ATG4A: variants seen among roughly 807,000 people sequenced by gnomAD.
ATG4A encodes the protein cysteine protease ATG4A.
Under a neutral mutation model 38.4 loss-of-function variants are expected in ATG4A, and 22 were observed. That is an observed-to-expected ratio of 0.57 (90% confidence interval 0.41 to 0.82). The LOEUF (loss-of-function observed/expected upper bound fraction) is 0.82, where lower values mean the gene tolerates loss of function less well. Ranked by LOEUF, ATG4A falls within the 40% of genes least tolerant of loss-of-function variation. The pLI is 0.00. For missense variants in ATG4A, 220 were observed against 290.0 expected, an observed-to-expected ratio of 0.76 and a Z score of 1.75; for synonymous variants, 86 against 100.7, an observed-to-expected ratio of 0.85 and a Z score of 0.88.
At chrX:108,098,364 C>CT (rs1410668386) in intron 1 of ATG4A, among the ~76,000 whole-genome samples, 1 of 111,743 alleles carries the variant, frequency 8.9e-6, no homozygotes, top group Non-Finnish European at 1.9e-5. Flanking sequence ...TAAGTGGTTT[C>CT]TTTTTTTAAA....
chrX:108,127,604 C>T (rs1569307067), intron 2 of ATG4A, among the ~76,000 whole-genome samples: 1 of 111,855 alleles, frequency 8.9e-6, no homozygotes, highest in Non-Finnish European at 1.9e-5. Context: ...TTACTCTTAA[C>T]CATTATACAT....
chrX:108,148,020 A>AATATATATATATAT (rs60886281), intron 9 of ATG4A, among the ~76,000 whole-genome samples: 49 of 80,105 alleles, frequency 6.1e-4, no homozygotes, highest in Non-Finnish European at 9.2e-4. Context: ...ACTAATGGAA[A>AATATATATATATAT]ATATATATAT....
rs183435739 is a variant in ATG4A at position 108,154,176 on chromosome X, G to T, written c.*464G>T. ...TCAAATAATAAAGTGACTGAATCAG[G>T]GAGGAAAAGGTTCTTGTTAAATTAT... is the stretch of plus-strand genomic sequence containing the variant. On this transcript the variant is annotated 3_prime_UTR_variant, in exon 13 of 13. Coordinates refer to ENST00000372232, the MANE Select transcript of ATG4A (RefSeq NM_052936.5). The T allele has an allele frequency of 7.5e-3, 848 of 113,085 alleles. 5 individuals carry two copies. Among genetic ancestry groups the T allele is most frequent in the African/African-American group, 0.025 (783 of 31,083 alleles). The allele number at this position is 113,085 out of a possible 1,213,427, so 9.3% of individuals were successfully genotyped here.
At chrX:108,153,377 G>A (rs1280780370) in intron 12 of ATG4A, among the ~76,000 whole-genome samples, 1 of 112,222 alleles carries the variant, frequency 8.9e-6, no homozygotes, top group Admixed American at 9.4e-5. Context: ...TGAGGCCATC[G>A]ATAATTCAAA....
At chrX:108,131,124 A>C in intron 3 of ATG4A, 136 bp from the exon 4 acceptor site, 1 of 568,008 alleles carries the variant, frequency 1.8e-6, no homozygotes, top group Non-Finnish European at 2.9e-6. Flanking sequence ...ATCTTGTTTG[A>C]TCTGTGGGTG....
chrX:108,091,303 T>C, upstream of ATG4A: 1 of 760,520 alleles, frequency 1.3e-6, no homozygotes. Flanking sequence ...GGGGGCGGGG[T>C]TCTGCTTCTC....
intron 1 of ATG4A, among the ~76,000 whole-genome samples, chrX:108,101,916 T>C (rs1450378405): frequency 9.0e-6 from 1 of 110,760 alleles, no homozygotes; most frequent in Non-Finnish European, 1.9e-5. Context: ...GGTTTCTTTT[T>C]ATGGCTGAAT....
rs2032732983 is a variant in ATG4A at position 108,124,081 on chromosome X, G to A, written c.11-1996G>A. Reference sequence around the variant, plus strand: ...AACCTGATTTCTTCTGCCTGTGAGGGGTAGAGGGTAGGGTGGGGAGGTGCA... The same window carrying A: ...AACCTGATTTCTTCTGCCTGTGAGGAGTAGAGGGTAGGGTGGGGAGGTGCA... On this transcript the variant is annotated intron_variant, in intron 1 of 12. Coordinates refer to ENST00000372232, the MANE Select transcript of ATG4A (RefSeq NM_052936.5). 2.7e-5 allele frequency among the ~76,000 whole-genome samples: 3 copies of A among 112,211 alleles called. No individual in the cohort carries two copies. The East Asian group carries it at 8.4e-4, about 32-fold the overall frequency.
At chrX:108,140,939 T>TATATACACATATATACATATATACAC (rs1237397961) in intron 9 of ATG4A, among the ~76,000 whole-genome samples, 1 of 40,748 alleles carries the variant, frequency 2.5e-5, no homozygotes, top group African/African-American at 8.1e-5. Flanking sequence ...TATATATACA[T>TATATACACATATATACATATATACAC]ATATATACAC....
intron 1 of ATG4A, among the ~76,000 whole-genome samples, chrX:108,121,612 C>T (rs1344658632): frequency 9.0e-6 from 1 of 111,669 alleles, no homozygotes; most frequent in African/African-American, 3.3e-5. Context: ...TCCATTAAGG[C>T]TCAGCTCTGA....
At chrX:108,098,447 T>A (rs1370217684) in intron 1 of ATG4A, among the ~76,000 whole-genome samples, 1 of 111,895 alleles carries the variant, frequency 8.9e-6, no homozygotes, top group Non-Finnish European at 1.9e-5. Context: ...ATAATCTTCA[T>A]CTGAGTTACT....
chrX:108,113,601 C>G (rs758412053), intron 1 of ATG4A, among the ~76,000 whole-genome samples: 1 of 111,118 alleles, frequency 9.0e-6, no homozygotes, highest in East Asian at 2.8e-4. Flanking sequence ...AAGACATACC[C>G]GAGACTGCGA....
chrX:108,128,668 CCATAAT>C, intron 2 of ATG4A, 107 bp from the exon 3 acceptor site: 3 of 410,582 alleles, frequency 7.3e-6, no homozygotes, highest in Non-Finnish European at 1.2e-5. Context: ...TTACCTAGCC[CCATAAT>C]AATGGAATTG....
intron 1 of ATG4A, among the ~76,000 whole-genome samples, chrX:108,119,517 T>C (rs1302157056): frequency 2.7e-5 from 3 of 112,178 alleles, no homozygotes; most frequent in Non-Finnish European, 5.6e-5. Flanking sequence ...TTTTCTATTC[T>C]ATTCAATTTC....
intron 1 of ATG4A, among the ~76,000 whole-genome samples, chrX:108,110,200 A>AT (rs2032317405): frequency 1.3e-5 from 1 of 79,553 alleles, no homozygotes; most frequent in Non-Finnish European, 2.7e-5. Flanking sequence ...CCCTGTCTCC[A>AT]CAAAAAAAAA....
chrX:108,116,678 C>T (rs1317256432), intron 1 of ATG4A, among the ~76,000 whole-genome samples: 1 of 111,734 alleles, frequency 8.9e-6, no homozygotes, highest in Non-Finnish European at 1.9e-5. Context: ...TTAGGGGCCC[C>T]ATGAAGTCTG....
At chrX:108,134,855 T>C (rs1275078222) in intron 6 of ATG4A, among the ~76,000 whole-genome samples, 1 of 112,157 alleles carries the variant, frequency 8.9e-6, no homozygotes, top group Non-Finnish European at 1.9e-5. Context: ...GTACCTTTAC[T>C]GTGCTAAGTT....
At chrX:108,134,768 G>A (rs745872775) in intron 6 of ATG4A, among the ~76,000 whole-genome samples, 31 of 111,965 alleles carry the variant, frequency 2.8e-4, no homozygotes, top group Admixed American at 7.6e-4. Context: ...GCCAGCCTAA[G>A]CAAGAAATGG....
At chrX:108,146,734 C>T (rs2033432227) in intron 9 of ATG4A, among the ~76,000 whole-genome samples, 1 of 111,917 alleles carries the variant, frequency 8.9e-6, no homozygotes, top group South Asian at 3.8e-4. Context: ...TCCCAATCTC[C>T]CTAAGCCTTT....
Sources: gnomAD v4.1 joint callset for allele counts (sites outside exome capture counted in the v4.1 genomes callset) on GRCh38, gnomAD v4.1.1 for gene constraint, MANE v1.5 for transcripts, NCBI Gene and HGNC (gene_info 2026-07-23, HGNC 2026-07-21) for gene names.